CLVS1: variants seen among roughly 807,000 people sequenced by gnomAD.
The protein encoded by CLVS1 is clavesin 1.
CLVS1 carries 10 observed loss-of-function variants against 33.1 expected under a neutral mutation model. The ratio of observed to expected loss-of-function variants is 0.30; its 90% CI spans 0.19 to 0.51. The LOEUF is 0.51. Among genes scored for constraint, CLVS1 ranks in the 20% least tolerant of loss-of-function variants. CLVS1 has a pLI of 0.97. For missense variants in CLVS1, 343 were observed against 433.4 expected (o/e 0.79, Z 1.85); for synonymous variants, 163 against 166.1 (o/e 0.98, Z 0.14).
chr8:61,457,239 C>T (rs986401799), intron 4 of CLVS1, among the ~76,000 whole-genome samples: 7 of 152,096 alleles, frequency 4.6e-5, no homozygotes, highest in African/African-American at 7.2e-5. Flanking sequence ...ACGTGGCCCA[C>T]GTTTATATTT....
intron 1 of CLVS1, among the ~76,000 whole-genome samples, chr8:61,124,398 G>A (rs996544485): frequency 6.6e-6 from 1 of 152,168 alleles, no homozygotes; most frequent in Admixed American, 6.5e-5. Flanking sequence ...TTGCATTTTT[G>A]TGTTTTAAAG....
At chr8:61,259,235 T>C (rs3864674) in intron 2 of CLVS1, among the ~76,000 whole-genome samples, 41,249 of 152,020 alleles carry the variant, frequency 0.27, 8,071 homozygotes, top group East Asian at 0.85. Flanking sequence ...TTTTCCTGGG[T>C]GGGGTTTCCA....
chr8:61,482,763 A>T (rs1803701315), intron 5 of CLVS1, among the ~76,000 whole-genome samples: 1 of 152,242 alleles, frequency 6.6e-6, no homozygotes, highest in Non-Finnish European at 1.5e-5. Context: ...AGTGCAATCA[A>T]CCTAGAACTC....
At chr8:61,386,433 A>G (rs1005386823) in intron 3 of CLVS1, among the ~76,000 whole-genome samples, 2 of 152,212 alleles carry the variant, frequency 1.3e-5, no homozygotes, top group African/African-American at 4.8e-5. Context: ...GTTTGCTCTC[A>G]CATATCAAAT....
the CLVS1 span, among the ~76,000 whole-genome samples, chr8:60,997,877 G>A: frequency 6.6e-6 from 1 of 152,198 alleles, no homozygotes; most frequent in South Asian, 2.1e-4. Context: ...AGATTCAAGT[G>A]GAGTTCACTC....
At chr8:61,443,835 A>C (rs1319314915) in intron 3 of CLVS1, among the ~76,000 whole-genome samples, 2 of 152,150 alleles carry the variant, frequency 1.3e-5, no homozygotes, top group Non-Finnish European at 2.9e-5. Flanking sequence ...ATTTGAGGGG[A>C]ATTAACATAT....
chr8:61,224,347 C>A (rs1423606293), intron 2 of CLVS1, among the ~76,000 whole-genome samples: 1 of 152,022 alleles, frequency 6.6e-6, no homozygotes, highest in Non-Finnish European at 1.5e-5. Flanking sequence ...TTGGATGGGG[C>A]TTTTGTGAGG....
chr8:61,024,481 A>G, the CLVS1 span, among the ~76,000 whole-genome samples: 1 of 152,220 alleles, frequency 6.6e-6, no homozygotes, highest in Admixed American at 6.5e-5. Flanking sequence ...CACATTTTCA[A>G]GTAATATCAT....
chr8:61,224,572 G>A (rs1563452208), intron 2 of CLVS1, among the ~76,000 whole-genome samples: 1 of 152,084 alleles, frequency 6.6e-6, no homozygotes, highest in African/African-American at 2.4e-5. Flanking sequence ...CGACTTCGAG[G>A]GGCACCAAGC....
At position 61,307,687 on chromosome 8, in the gene CLVS1, ATTT is replaced by A. The variant is rs113741865; in HGVS notation, c.455+7411_455+7413del. Among the ~76,000 whole-genome samples the A allele has an allele frequency of 3.3e-5, 5 of 152,028 alleles. No individual in the cohort carries two copies. The East Asian group carries it at 9.6e-4, about 29-fold the overall frequency. On this transcript the variant is annotated intron_variant, in intron 2 of 5. Transcript: ENST00000325897. ...GCTTACATTTGCCTTTTATTGCTAG[ATTT>A]TTTTTATTTTGATAGATTTAGGGGG...
intron 2 of CLVS1, among the ~76,000 whole-genome samples, chr8:61,141,919 T>C (rs1474941988): frequency 2.0e-5 from 3 of 152,234 alleles, no homozygotes; most frequent in Non-Finnish European, 4.4e-5. Context: ...TTCTGTTTTC[T>C]GAAATACTCC....
chr8:61,216,509 C>G (rs1271376868), intron 2 of CLVS1, among the ~76,000 whole-genome samples: 2 of 152,186 alleles, frequency 1.3e-5, no homozygotes, highest in Non-Finnish European at 2.9e-5. Context: ...CATAGGCACT[C>G]CAATGTGTCT....
chr8:61,121,048 A>G (rs375165199), intron 1 of CLVS1, among the ~76,000 whole-genome samples: 54 of 151,496 alleles, frequency 3.6e-4, no homozygotes, highest in African/African-American at 1.1e-3. Flanking sequence ...AGGACCCTCC[A>G]AGCCAGGTGC....
At position 61,242,706 on chromosome 8, in the gene CLVS1, C is replaced by T. The variant is rs190776321; in HGVS notation, c.-151-56971C>T. 7.7e-3 allele frequency among the ~76,000 whole-genome samples: 1,163 copies of T among 152,004 alleles called. 15 individuals carry two copies. Among genetic ancestry groups the T allele is most frequent in the African/African-American group, 0.026 (1,088 of 41,430 alleles). On this transcript the variant is annotated intron_variant, in intron 2 of 2. Transcript: ENST00000522621. ...CATTCTGGCTGAGGCAGGAGGATTG[C>T]TTGAGCCTGGGGCATTGAGTGAGCT...
At chr8:61,102,172 G>A (rs1033770656) in intron 1 of CLVS1, among the ~76,000 whole-genome samples, 5 of 152,150 alleles carry the variant, frequency 3.3e-5, no homozygotes, top group Admixed American at 6.5e-5. Flanking sequence ...CGTTAAATCT[G>A]TAGATCAGCT....
chr8:61,448,551 A>G (rs888187237), intron 3 of CLVS1, among the ~76,000 whole-genome samples: 8 of 151,326 alleles, frequency 5.3e-5, no homozygotes, highest in Admixed American at 2.6e-4. Flanking sequence ...TAAGCTTTTT[A>G]TTGGACTTTT....
At chr8:61,007,666 G>T in the CLVS1 span, among the ~76,000 whole-genome samples, 2 of 151,970 alleles carry the variant, frequency 1.3e-5, no homozygotes, top group African/African-American at 4.8e-5. Flanking sequence ...CAGCCACCAC[G>T]CTACTCCCGC....
intron 2 of CLVS1, among the ~76,000 whole-genome samples, chr8:61,250,046 T>C (rs928823656): frequency 1.3e-5 from 2 of 152,364 alleles, no homozygotes; most frequent in African/African-American, 2.4e-5. Context: ...TTTATGGTTT[T>C]AAGTCTTACA....
chr8:61,077,126 T>A (rs973698789), intron 1 of CLVS1, among the ~76,000 whole-genome samples: 3 of 151,790 alleles, frequency 2.0e-5, no homozygotes, highest in African/African-American at 7.3e-5. Flanking sequence ...CATGCTGGAG[T>A]GCAGTGGCGC....
Sources: gnomAD v4.1 joint callset for allele counts (sites outside exome capture counted in the v4.1 genomes callset) on GRCh38, gnomAD v4.1.1 for gene constraint, MANE v1.5 for transcripts, NCBI Gene and HGNC (gene_info 2026-07-23, HGNC 2026-07-21) for gene names.